Variants in MAF observed in about 807,000 individuals in gnomAD.
The protein encoded by MAF is transcription factor Maf.
Under a neutral mutation model 22.0 loss-of-function variants are expected in MAF, and 10 were observed. The observed-to-expected ratio is 0.45, with a 90% CI of 0.28 to 0.77. The LOEUF (loss-of-function observed/expected upper bound fraction) is 0.77. Among genes scored for constraint, MAF ranks in the 30% least tolerant of loss-of-function variants. The pLI is 0.12. For missense variants in MAF, 544 were observed against 548.4 expected (o/e 0.99, Z 0.08); for synonymous variants, 337 against 255.8 (o/e 1.32, Z -3.03).
At chr16:79,553,741 G>A in the MAF span, among the ~76,000 whole-genome samples, 3 of 152,176 alleles carry the variant, frequency 2.0e-5, no homozygotes, top group Admixed American at 2.0e-4. Context: ...CGGTTCTACA[G>A]TTCTCTTCCA....
chr16:79,519,479 G>A, the MAF span, among the ~76,000 whole-genome samples: 3 of 152,138 alleles, frequency 2.0e-5, no homozygotes, highest in Admixed American at 6.5e-5. Flanking sequence ...GCTGCCAGGA[G>A]CCCTTAGTTT....
chr16:79,583,786 C>T (rs1036854622), downstream of MAF, among the ~76,000 whole-genome samples: 1 of 152,186 alleles, frequency 6.6e-6, no homozygotes, highest in Admixed American at 6.5e-5. Context: ...TCATCATCAT[C>T]ATGTGTTTCC....
the MAF span, among the ~76,000 whole-genome samples, chr16:79,410,919 C>A: frequency 6.6e-6 from 1 of 152,160 alleles, no homozygotes; most frequent in Non-Finnish European, 1.5e-5. Flanking sequence ...AAGGACCTTA[C>A]GTGATGTTCC....
chr16:79,208,547 T>C, the MAF span, among the ~76,000 whole-genome samples: 71,155 of 152,022 alleles, frequency 0.47, 17,733 homozygotes, highest in Non-Finnish European at 0.57. Context: ...TAGATGGCTC[T>C]TTCATCTTTT....
the MAF span, chr16:79,212,082 C>A: frequency 5.9e-6 from 9 of 1,536,112 alleles, no homozygotes; most frequent in Admixed American, 5.9e-5. Flanking sequence ...TTCCGTATCT[C>A]CCTGGAGAAG....
At chr16:79,596,151 G>A in intron 1 of MAF, 1 of 1,062,842 alleles carries the variant, frequency 9.4e-7, no homozygotes, top group Non-Finnish European at 1.1e-6. Flanking sequence ...CTTTGCTCCT[G>A]ATCAGAAGTG....
chr16:79,521,571 C>T, the MAF span, among the ~76,000 whole-genome samples: 1 of 152,178 alleles, frequency 6.6e-6, no homozygotes, highest in Non-Finnish European at 1.5e-5. Flanking sequence ...CAAGACCCTC[C>T]TTCTTCTACA....
At chr16:79,294,205 C>G in the MAF span, among the ~76,000 whole-genome samples, 1 of 152,178 alleles carries the variant, frequency 6.6e-6, no homozygotes, top group East Asian at 1.9e-4. Context: ...ATCAAGAGCT[C>G]CTGAGTCATG....
At chr16:79,209,471 C>A in the MAF span, among the ~76,000 whole-genome samples, 1 of 152,192 alleles carries the variant, frequency 6.6e-6, no homozygotes, top group Admixed American at 6.5e-5. Flanking sequence ...GCCAGTCTGT[C>A]ATGACGTTTG....
the MAF span, among the ~76,000 whole-genome samples, chr16:79,376,423 G>A: frequency 6.6e-6 from 1 of 151,914 alleles, no homozygotes; most frequent in Non-Finnish European, 1.5e-5. Flanking sequence ...ATGACCCAGG[G>A]ATTCCACCCC....
chr16:79,588,814 G>T (rs1913018286), intron 1 of MAF, among the ~76,000 whole-genome samples: 1 of 151,184 alleles, frequency 6.6e-6, no homozygotes. Flanking sequence ...AGGGTCCCAG[G>T]AAAAAATAAA....
chr16:79,362,933 C>A, the MAF span, among the ~76,000 whole-genome samples: 9 of 152,094 alleles, frequency 5.9e-5, no homozygotes, highest in Non-Finnish European at 4.4e-5. Context: ...TGATTCCCTG[C>A]ATTAAGCTTC....
chr16:79,594,104 G>C lies in MAF; in HGVS notation c.*356C>G, dbSNP rs1478839109. On this transcript the variant is annotated 3_prime_UTR_variant, in exon 2 of 2. Transcript: ENST00000326043. ...ATTTAGAATGTGCATGCCTATATAT[G>C]ATTTTAAAATGCTAATTGTTGCATT... is the stretch of plus-strand genomic sequence containing the variant. 3.6e-5 allele frequency: 11 copies of C among 305,432 alleles called. No individual in the cohort carries two copies. The Admixed American group carries it at 3.6e-4, about 10-fold the overall frequency. 18.9% of individuals were successfully genotyped at this position (305,432 alleles called of 1,614,324 possible).
At chr16:79,377,783 G>A in the MAF span, among the ~76,000 whole-genome samples, 2 of 152,096 alleles carry the variant, frequency 1.3e-5, no homozygotes, top group African/African-American at 4.8e-5. Flanking sequence ...ATTAAATAGG[G>A]AATCCTTTCC....
chr16:79,394,402 C>T, the MAF span, among the ~76,000 whole-genome samples: 1 of 152,158 alleles, frequency 6.6e-6, no homozygotes, highest in African/African-American at 2.4e-5. Flanking sequence ...GTCCCACAGG[C>T]CAAATTGGTT....
At chr16:79,282,801 G>T in the MAF span, among the ~76,000 whole-genome samples, 3 of 152,066 alleles carry the variant, frequency 2.0e-5, no homozygotes, top group African/African-American at 7.2e-5. Context: ...GTATTTTATC[G>T]CCTGAGGAGA....
At position 79,599,959 on chromosome 16, in the gene MAF, G is replaced by A. The variant is rs1913909280; in HGVS notation, c.-57C>T. On this transcript the variant is annotated 5_prime_UTR_variant, in exon 1 of 2. Transcript: ENST00000326043. ...CTCCGCCAGATGGGCTGCAGGAGAGGGGCCAGCGGGCTGTGCTGGGTGGCC... is the reference window on the plus strand; with the variant it reads ...CTCCGCCAGATGGGCTGCAGGAGAGAGGCCAGCGGGCTGTGCTGGGTGGCC... 6 of 1,595,974 alleles carry A rather than the reference G, an allele frequency of 3.8e-6. No individual in the cohort carries two copies. Among genetic ancestry groups the A allele is most frequent in the Middle Eastern group, 4.3e-4 (2 of 4,702 alleles).
At chr16:79,215,961 C>T in the MAF span, among the ~76,000 whole-genome samples, 1 of 152,196 alleles carries the variant, frequency 6.6e-6, no homozygotes, top group African/African-American at 2.4e-5. Context: ...CACTGTCAGT[C>T]CCCATGGGCC....
chr16:79,529,288 T>C, the MAF span, among the ~76,000 whole-genome samples: 3 of 152,128 alleles, frequency 2.0e-5, no homozygotes, highest in Non-Finnish European at 2.9e-5. Flanking sequence ...ATGGATCCAG[T>C]TTGACCCCAG....
Sources: gnomAD v4.1 joint callset for allele counts (sites outside exome capture counted in the v4.1 genomes callset) on GRCh38, gnomAD v4.1.1 for gene constraint, MANE v1.5 for transcripts, NCBI Gene and HGNC (gene_info 2026-07-23, HGNC 2026-07-21) for gene names.